RBMS3: variants seen among roughly 807,000 people sequenced by gnomAD.
RBMS3 encodes the protein RNA-binding motif, single-stranded-interacting protein 3.
RBMS3 carries 27 observed loss-of-function variants against 66.8 expected under a neutral mutation model. That is an observed-to-expected ratio of 0.40 (90% CI 0.30 to 0.56). RBMS3 has a LOEUF of 0.56. Ranked by LOEUF, RBMS3 falls within the 20% of genes least tolerant of loss-of-function variation. The probability of loss-of-function intolerance (pLI) is 0.40; values close to 1 mark genes in which losing one functional copy is unlikely to be tolerated. For synonymous variants in RBMS3, 188 were observed against 183.0 expected, an observed-to-expected ratio of 1.03 and a Z score of -0.22; for missense variants, 513 against 549.5, an observed-to-expected ratio of 0.93 and a Z score of 0.66.
intron 4 of RBMS3, among the ~76,000 whole-genome samples, chr3:29,725,825 T>C (rs1482949733): frequency 2.0e-5 from 3 of 151,986 alleles, no homozygotes; most frequent in Non-Finnish European, 2.9e-5. Context: ...TTCCAAACAA[T>C]AGAAAAAGAG....
At chr3:29,309,821 A>G (rs575471029) in intron 1 of RBMS3, among the ~76,000 whole-genome samples, 1 of 151,854 alleles carries the variant, frequency 6.6e-6, no homozygotes, top group Non-Finnish European at 1.5e-5. Context: ...TCAGGAAAAT[A>G]GTTTCAGCTG....
At chr3:29,792,470 T>G (rs1050124755) in intron 6 of RBMS3, among the ~76,000 whole-genome samples, 2 of 152,194 alleles carry the variant, frequency 1.3e-5, no homozygotes, top group African/African-American at 4.8e-5. Flanking sequence ...TACCAAAATG[T>G]GCACATATTG....
intron 6 of RBMS3, among the ~76,000 whole-genome samples, chr3:29,799,829 C>T (rs955259301): frequency 2.6e-5 from 4 of 152,164 alleles, no homozygotes; most frequent in Admixed American, 6.5e-5. Context: ...TCTATTTCCT[C>T]CTACAATGAT....
At chr3:29,439,081 G>A (rs575527903) in intron 2 of RBMS3, among the ~76,000 whole-genome samples, 2 of 152,246 alleles carry the variant, frequency 1.3e-5, no homozygotes, top group East Asian at 1.9e-4. Context: ...AGAGCCAAGG[G>A]CTGGAGGGGG....
intron 6 of RBMS3, among the ~76,000 whole-genome samples, chr3:29,853,423 C>CTTTTATTTTTTTTTTTTTTT (rs2058987482): frequency 1.2e-5 from 1 of 84,542 alleles, no homozygotes; most frequent in African/African-American, 5.4e-5. Context: ...AATTTACTTT[C>CTTTTATTTTTTTTTTTTTTT]TTTTTTTTTT....
At chr3:29,444,979 C>G (rs1272018102) in intron 2 of RBMS3, among the ~76,000 whole-genome samples, 1 of 151,172 alleles carries the variant, frequency 6.6e-6, no homozygotes, top group East Asian at 1.9e-4. Flanking sequence ...CCTTCCCTCC[C>G]TACTCCCTAC....
chr3:29,733,211 G>T (rs1177107823), intron 4 of RBMS3, among the ~76,000 whole-genome samples: 1 of 151,874 alleles, frequency 6.6e-6, no homozygotes, highest in Non-Finnish European at 1.5e-5. Context: ...ATTTCTAAAT[G>T]TTTTGTCACC....
intron 8 of RBMS3, among the ~76,000 whole-genome samples, chr3:29,891,245 C>T (rs2059995334): frequency 6.6e-6 from 1 of 151,606 alleles, no homozygotes; most frequent in African/African-American, 2.4e-5. Context: ...ACAAACAGTT[C>T]ATAACTACAC....
chr3:29,619,375 T>G (rs1258969710), intron 4 of RBMS3, among the ~76,000 whole-genome samples: 1 of 152,036 alleles, frequency 6.6e-6, no homozygotes, highest in Admixed American at 6.5e-5. Flanking sequence ...TTATTAGAAT[T>G]ATGGATAGCT....
rs745580934 is a variant in RBMS3 at position 29,587,095 on chromosome 3, G to T, written c.308-19G>T. 10 of 1,583,338 alleles carry T rather than the reference G, an allele frequency of 6.3e-6. No homozygotes were observed. The highest frequency in any genetic ancestry group is 7.8e-6 in the Non-Finnish European group (9 of 1,160,456). On this transcript the variant is annotated intron_variant, in intron 3 of 14. Coordinates refer to ENST00000383767, the MANE Select transcript of RBMS3 (RefSeq NM_001003793.3). The stretch of plus-strand genomic sequence containing the variant: ...CAGCTTTTTGTGAATATTAACAAGG[G>T]GATTTTGTGTTTTCACAGGTTATGG...
chr3:29,365,526 A>G (rs1309082092), intron 1 of RBMS3, among the ~76,000 whole-genome samples: 4 of 152,278 alleles, frequency 2.6e-5, no homozygotes, highest in South Asian at 2.1e-4. Flanking sequence ...TGAAAAAAAA[A>G]TATTATTTCA....
chr3:29,866,077 TAA>T (rs35591949), intron 6 of RBMS3, among the ~76,000 whole-genome samples: 131 of 105,562 alleles, frequency 1.2e-3, no homozygotes, highest in African/African-American at 4.3e-3. Context: ...CACCAAATAC[TAA>T]AAAAAAAAAA....
At chr3:29,502,128 T>G (rs2043998667) in intron 3 of RBMS3, among the ~76,000 whole-genome samples, 1 of 152,082 alleles carries the variant, frequency 6.6e-6, no homozygotes, top group South Asian at 2.1e-4. Context: ...TATCCTTTAT[T>G]TTCTTAAAAC....
At chr3:29,835,866 T>C (rs1475963753) in intron 6 of RBMS3, among the ~76,000 whole-genome samples, 1 of 151,242 alleles carries the variant, frequency 6.6e-6, no homozygotes, top group African/African-American at 2.4e-5. Context: ...TAAACAAAAT[T>C]GGCAAACCTT....
At chr3:29,994,894 T>A (rs577499656) in intron 14 of RBMS3, among the ~76,000 whole-genome samples, 4,927 of 152,268 alleles carry the variant, frequency 0.032, 262 homozygotes, top group African/African-American at 0.11. Flanking sequence ...ACGCAGTTCC[T>A]CACCAGCAAC....
intron 3 of RBMS3, among the ~76,000 whole-genome samples, chr3:29,545,581 C>T (rs2045921696): frequency 6.6e-6 from 1 of 152,158 alleles, no homozygotes; most frequent in Non-Finnish European, 1.5e-5. Flanking sequence ...ATGTTGAAGA[C>T]AACCATCATG....
At chr3:29,963,821 C>T (rs1309956455) in intron 12 of RBMS3, among the ~76,000 whole-genome samples, 2 of 103,288 alleles carry the variant, frequency 1.9e-5, no homozygotes, top group East Asian at 5.5e-4. Flanking sequence ...AACCAGGCTG[C>T]CCCCTCCAAA....
chr3:29,947,497 G>A (rs987675345), intron 12 of RBMS3, among the ~76,000 whole-genome samples: 2 of 151,398 alleles, frequency 1.3e-5, no homozygotes, highest in Non-Finnish European at 3.0e-5. Flanking sequence ...AAGGAAGCTT[G>A]GGAAACAAAA....
At chr3:29,499,027 G>A (rs1173365657) in intron 3 of RBMS3, among the ~76,000 whole-genome samples, 2 of 152,100 alleles carry the variant, frequency 1.3e-5, no homozygotes, top group African/African-American at 2.4e-5. Context: ...GTGTGTTTGA[G>A]ATAAAGCAAA....
Sources: gnomAD v4.1 joint callset for allele counts (sites outside exome capture counted in the v4.1 genomes callset) on GRCh38, gnomAD v4.1.1 for gene constraint, MANE v1.5 for transcripts, NCBI Gene and HGNC (gene_info 2026-07-23, HGNC 2026-07-21) for gene names.